The following HERC6 variants were observed in gnomAD, a reference collection of about 807,000 sequenced individuals.
HERC6 encodes probable E3 ubiquitin-protein ligase HERC6.
In HERC6, 101 loss-of-function variants were observed where a neutral mutation model predicts 114.5. The observed-to-expected ratio is 0.88, with a 90% CI of 0.75 to 1.04. The LOEUF (loss-of-function observed/expected upper bound fraction) is 1.04. Among genes scored for constraint, HERC6 ranks in the 50% least tolerant of loss-of-function variants. The probability of loss-of-function intolerance (pLI) is 0.00; values close to 1 mark genes in which losing one functional copy is unlikely to be tolerated. For synonymous variants in HERC6, 408 were observed against 436.2 expected (o/e 0.94, Z 0.81); for missense variants, 1,133 against 1,230.9 (o/e 0.92, Z 1.19).
chr4:88,422,602 C>T (rs1174719948), intron 13 of HERC6, among the ~76,000 whole-genome samples: 1 of 151,670 alleles, frequency 6.6e-6, no homozygotes, highest in Non-Finnish European at 1.5e-5. Context: ...ACAGCCTGCT[C>T]ATGTGTTATA....
At chr4:88,431,501 G>A (rs923269802) in intron 17 of HERC6, among the ~76,000 whole-genome samples, 196 bp downstream of exon 17, 3 of 152,026 alleles carry the variant, frequency 2.0e-5, no homozygotes, top group African/African-American at 7.3e-5. Flanking sequence ...AGAATCTGAG[G>A]CCCTACTCTA....
intron 11 of HERC6, among the ~76,000 whole-genome samples, chr4:88,412,039 A>G (rs1736132197): frequency 6.6e-6 from 1 of 152,214 alleles, no homozygotes; most frequent in Non-Finnish European, 1.5e-5. Flanking sequence ...TTTCTCTGCC[A>G]TGGTAGATTT....
intron 12 of HERC6, among the ~76,000 whole-genome samples, chr4:88,414,866 C>G (rs943763104): frequency 1.3e-5 from 2 of 152,120 alleles, no homozygotes; most frequent in South Asian, 4.1e-4. Context: ...TCATCTAGAA[C>G]GCCTAACTGT....
intron 1 of HERC6, 67 bp from the exon 2 acceptor site, chr4:88,383,154 C>T (rs1472104027): frequency 1.9e-6 from 3 of 1,554,378 alleles, no homozygotes; most frequent in Non-Finnish European, 2.6e-6. Context: ...AAAGTGCTGT[C>T]TTAAACTTGT....
intron 6 of HERC6, 72 bp from the exon 7 acceptor site, chr4:88,396,779 T>A: frequency 7.3e-7 from 1 of 1,367,526 alleles, no homozygotes; most frequent in South Asian, 1.8e-5. Flanking sequence ...TTATTTTGTC[T>A]TAAGGGACAT....
At chr4:88,414,073 A>G (rs907702094) in intron 12 of HERC6, among the ~76,000 whole-genome samples, 1 of 152,186 alleles carries the variant, frequency 6.6e-6, no homozygotes, top group African/African-American at 2.4e-5. Context: ...TGTCAGAGAA[A>G]AGCCTTTTCC....
intron 8 of HERC6, among the ~76,000 whole-genome samples, chr4:88,402,765 T>G (rs946378210): frequency 1.3e-5 from 2 of 152,088 alleles, no homozygotes; most frequent in Non-Finnish European, 2.9e-5. Context: ...ATGCTGTGCA[T>G]TTGGGAGGAG....
intron 1 of HERC6, among the ~76,000 whole-genome samples, chr4:88,380,759 T>C (rs1734274293): frequency 6.6e-6 from 1 of 151,168 alleles, no homozygotes; most frequent in Non-Finnish European, 1.5e-5. Context: ...ATATGTGAGA[T>C]AATACAATAA....
intron 3 of HERC6, among the ~76,000 whole-genome samples, chr4:88,389,438 G>C (rs1031512181): frequency 6.6e-6 from 1 of 152,198 alleles, no homozygotes; most frequent in African/African-American, 2.4e-5. Context: ...TTTTTTAGGA[G>C]AGAAAAGTTG....
In HERC6 at chr4:88,378,884, G is replaced by A; in HGVS notation, c.-38G>A. 1 of 1,528,696 alleles carries A rather than the reference G, an allele frequency of 6.5e-7. No homozygotes were observed. Among genetic ancestry groups the A allele is most frequent in the Non-Finnish European group, 8.8e-7 (1 of 1,136,036 alleles). 94.7% of individuals were successfully genotyped at this position (1,528,696 alleles called of 1,614,324 possible). A position where few individuals can be genotyped will look rare whatever the true frequency, so the allele number is the denominator to read the frequency against. ...TTCGGGAGCCTGTCGCAGCGGGACCGACGGAATCCGGAGCAGGCGACAGGG... is the reference window on the plus strand; with the variant it reads ...TTCGGGAGCCTGTCGCAGCGGGACCAACGGAATCCGGAGCAGGCGACAGGG... On this transcript the variant is annotated 5_prime_UTR_variant, in exon 1 of 23. Transcript: ENST00000264346.
chr4:88,391,015 T>C (rs1172582791), intron 4 of HERC6, 136 bp downstream of exon 4: 1 of 676,124 alleles, frequency 1.5e-6, no homozygotes, highest in Non-Finnish European at 2.5e-6. Context: ...TAGGGAGCTA[T>C]ATTAGTTTCT....
Position 88,378,882 on chromosome 4 carries a change from C to A in HERC6, c.-40C>A. ...CGTTCGGGAGCCTGTCGCAGCGGGA[C>A]CGACGGAATCCGGAGCAGGCGACAG... On this transcript the variant is annotated 5_prime_UTR_variant, in exon 1 of 23. Coordinates refer to ENST00000264346, the MANE Select transcript of HERC6 (RefSeq NM_017912.4). 6.6e-7 allele frequency: 1 copy of A among 1,521,438 alleles called. No homozygotes were observed. Among genetic ancestry groups the A allele is most frequent in the Non-Finnish European group, 8.8e-7 (1 of 1,131,234 alleles). 94.2% of individuals were successfully genotyped at this position (1,521,438 alleles called of 1,614,324 possible). A position where few individuals can be genotyped will look rare whatever the true frequency, so the allele number is the denominator to read the frequency against.
In HERC6 at chr4:88,383,363, A is replaced by T. The variant is rs1349991426; in HGVS notation, c.342A>T (p.Glu114Asp). 1.3e-6 allele frequency: 2 copies of T among 1,505,546 alleles called. No homozygotes were observed. The highest frequency in any genetic ancestry group is 1.8e-6 in the Non-Finnish European group (2 of 1,129,318). 93.3% of individuals were successfully genotyped at this position (1,505,546 alleles called of 1,614,324 possible). A position where few individuals can be genotyped will look rare whatever the true frequency, so the allele number is the denominator to read the frequency against. The stretch of plus-strand genomic sequence containing the variant: ...AGCTGGGGATTGGAGAATTCAAGGA[A>T]ATAAGTTTCACACCTAAGTAAGTGT... ...EGQLGIGEFK[E>D]ISFTPKKIMT... Residue 114 changes from glutamate to aspartate, a missense_variant, in exon 2 of 23, where the codon GAA becomes GAT. Glu to Asp is a conservative substitution (Grantham distance 45). Coordinates refer to ENST00000264346, the MANE Select transcript of HERC6 (RefSeq NM_017912.4).
chr4:88,398,253 C>G (rs1735349755), intron 8 of HERC6, 44 bp downstream of exon 8: 6 of 1,251,688 alleles, frequency 4.8e-6, no homozygotes, highest in Non-Finnish European at 6.6e-6. Context: ...TATTTTTTCT[C>G]AAGATTTCAG....
intron 5 of HERC6, among the ~76,000 whole-genome samples, chr4:88,394,642 T>C (rs187587233): frequency 1.8e-3 from 278 of 151,270 alleles, no homozygotes; most frequent in Non-Finnish European, 3.1e-3. Flanking sequence ...CCTCCCAGGT[T>C]CAAGCAATTC....
chr4:88,411,422 A>G (rs1736096853), intron 11 of HERC6, among the ~76,000 whole-genome samples: 1 of 152,166 alleles, frequency 6.6e-6, no homozygotes, highest in Non-Finnish European at 1.5e-5. Flanking sequence ...TGACATTGTG[A>G]TGCTATTTTC....
At chr4:88,396,190 T>G (rs374719042) in intron 6 of HERC6, 48 bp downstream of exon 6, 4 of 1,415,746 alleles carry the variant, frequency 2.8e-6, no homozygotes, top group Non-Finnish European at 3.7e-6. Context: ...TAGAAAGTGT[T>G]ATATTTTATT....
intron 14 of HERC6, among the ~76,000 whole-genome samples, 187 bp from the exon 15 acceptor site, chr4:88,424,408 G>C (rs542349731): frequency 1.3e-5 from 2 of 152,138 alleles, no homozygotes; most frequent in African/African-American, 2.4e-5. Context: ...TGAGCCCAGA[G>C]AAGGAGGTTT....
intron 18 of HERC6, 69 bp from the exon 19 acceptor site, chr4:88,436,836 C>A: frequency 9.5e-7 from 1 of 1,053,174 alleles, no homozygotes; most frequent in East Asian, 2.6e-5. Context: ...CAACTTTTTC[C>A]ATTGAAAATT....
Sources: allele counts gnomAD v4.1 joint callset (sites outside exome capture counted in the v4.1 genomes callset), GRCh38; gene constraint gnomAD v4.1.1; transcripts MANE v1.5; gene names NCBI Gene and HGNC (gene_info 2026-07-23, HGNC 2026-07-21).